The following USP47 variants were observed in gnomAD, a reference collection of about 807,000 sequenced individuals.
The protein encoded by USP47 is ubiquitin carboxyl-terminal hydrolase 47.
Under a neutral mutation model 165.1 loss-of-function variants are expected in USP47, and 35 were observed. The observed-to-expected ratio is 0.21, with a 90% CI of 0.16 to 0.28. USP47 has a LOEUF of 0.28. Among genes scored for constraint, USP47 ranks in the 10% least tolerant of loss-of-function variants. USP47 has a pLI of 1.00. For synonymous variants in USP47, 531 were observed against 544.5 expected (o/e 0.98, Z 0.35); for missense variants, 1,277 against 1,607.4 (o/e 0.79, Z 3.52).
intron 1 of USP47, among the ~76,000 whole-genome samples, chr11:11,875,397 C>T (rs1850346155): frequency 6.6e-6 from 1 of 151,928 alleles, no homozygotes. Flanking sequence ...CAGATTTGAG[C>T]TTAAAACTAT....
chr11:11,955,300 CATG>C, intron 27 of USP47, 136 bp downstream of exon 27: 1 of 1,091,274 alleles, frequency 9.2e-7, no homozygotes, highest in Non-Finnish European at 1.2e-6. Flanking sequence ...GACAGCCAAA[CATG>C]ATTATAATTT....
At chr11:11,857,705 T>C (rs1174119861) in intron 1 of USP47, among the ~76,000 whole-genome samples, 2 of 152,226 alleles carry the variant, frequency 1.3e-5, no homozygotes, top group African/African-American at 4.8e-5. Flanking sequence ...AGCCGGAGGC[T>C]ACTCCCTTTG....
chr11:11,906,568 A>G (rs1353135551), intron 8 of USP47, among the ~76,000 whole-genome samples: 1 of 152,180 alleles, frequency 6.6e-6, no homozygotes, highest in African/African-American at 2.4e-5. Context: ...CAATGGAGAT[A>G]CAAAGCAAGC....
At position 11,869,687 on chromosome 11, in the gene USP47, T is replaced by C. The variant is rs61199571; in HGVS notation, c.40-10490T>C. On this transcript the variant is annotated intron_variant, in intron 1 of 27. Transcript: ENST00000527733. ...TCAAACTTTGCTATGGTTTGAATGCTTGCCGTCTTCAAAATTCATGTGGAA... is the reference window on the plus strand; with the variant it reads ...TCAAACTTTGCTATGGTTTGAATGCCTGCCGTCTTCAAAATTCATGTGGAA... 5.1e-3 allele frequency among the ~76,000 whole-genome samples: 778 copies of C among 152,352 alleles called. 6 individuals carry two copies. Among genetic ancestry groups the C allele is most frequent in the African/African-American group, 0.018 (739 of 41,588 alleles).
At chr11:11,929,302 G>A in intron 11 of USP47, 132 bp from the exon 12 acceptor site, 2 of 1,260,776 alleles carry the variant, frequency 1.6e-6, no homozygotes, top group Non-Finnish European at 2.1e-6. Flanking sequence ...TTTACCTTAG[G>A]GGAAAGTTGA....
At chr11:11,930,791 T>A (rs578132768) in intron 14 of USP47, 40 bp downstream of exon 14, 1 of 1,526,576 alleles carries the variant, frequency 6.6e-7, no homozygotes, top group South Asian at 1.2e-5. Context: ...ATTTGTGTTA[T>A]AAACTAATTT....
intron 1 of USP47, among the ~76,000 whole-genome samples, chr11:11,847,661 C>T (rs910590577): frequency 6.6e-6 from 1 of 152,084 alleles, no homozygotes; most frequent in Non-Finnish European, 1.5e-5. Flanking sequence ...GTCTCTGTAT[C>T]CTTATCTTTC....
rs766618263 is a variant in USP47 at position 11,954,975 on chromosome 11, T to C, written c.3762+31T>C. The C allele has an allele frequency of 2.5e-6, 4 of 1,613,666 alleles. No individual in the cohort carries two copies. In the South Asian group the frequency reaches 4.4e-5, roughly 18 times the overall value. On this transcript the variant is annotated intron_variant, in intron 26 of 27. Coordinates refer to ENST00000527733, the MANE Select transcript of USP47 (RefSeq NM_001282659.2). ...GCCCTGAGAATGTTGCATCTGTGTATTGTGCATGATAAACACAGCTAGTGG... is the reference window on the plus strand; with the variant it reads ...GCCCTGAGAATGTTGCATCTGTGTACTGTGCATGATAAACACAGCTAGTGG...
chr11:11,957,319 C>T lies in USP47; in HGVS notation c.*1144C>T, dbSNP rs1484834915. ...TCATGGTACAGACTGATGCAGTCAA[C>T]ATGATTTCATTGCAGAGTTTATTAG... On this transcript the variant is annotated 3_prime_UTR_variant, in exon 28 of 28. Transcript: ENST00000527733. The T allele has an allele frequency of 6.6e-6, 1 of 152,532 alleles. No homozygotes were observed. The highest frequency in any genetic ancestry group is 1.5e-5 in the Non-Finnish European group (1 of 68,034). 9.4% of individuals were successfully genotyped at this position (152,532 alleles called of 1,614,324 possible). A position where few individuals can be genotyped will look rare whatever the true frequency, so the allele number is the denominator to read the frequency against.
intron 7 of USP47, among the ~76,000 whole-genome samples, chr11:11,903,791 C>T (rs1852376917): frequency 6.6e-6 from 1 of 151,934 alleles, no homozygotes; most frequent in African/African-American, 2.4e-5. Context: ...TTAATCTAAC[C>T]CGATTCTTAT....
At chr11:11,923,952 T>C (rs1472966184) in intron 11 of USP47, among the ~76,000 whole-genome samples, 1 of 152,244 alleles carries the variant, frequency 6.6e-6, no homozygotes, top group African/African-American at 2.4e-5. Flanking sequence ...ACACTTTCAT[T>C]TCATCTGCAA....
chr11:11,955,448 T>C (rs1856503974), intron 27 of USP47, among the ~76,000 whole-genome samples: 1 of 152,164 alleles, frequency 6.6e-6, no homozygotes, highest in Admixed American at 6.5e-5. Context: ...GTATTTTGCA[T>C]TTTTTTATTG....
intron 1 of USP47, among the ~76,000 whole-genome samples, chr11:11,867,106 A>C (rs750235456): frequency 3.9e-5 from 6 of 152,150 alleles, no homozygotes; most frequent in Non-Finnish European, 4.4e-5. Context: ...CATGTTGGTC[A>C]TGCTGGTCTT....
Position 11,956,223 on chromosome 11 carries a change from A to T in USP47, c.*48A>T. On this transcript the variant is annotated 3_prime_UTR_variant, in exon 28 of 28. Transcript: ENST00000527733. ...CTGGGGGAGTTTTGGTTTTAATTAGATGGTTCACTACCACTGGGTAGTGCC... is the reference window on the plus strand; with the variant it reads ...CTGGGGGAGTTTTGGTTTTAATTAGTTGGTTCACTACCACTGGGTAGTGCC... 6.2e-7 allele frequency: 1 copy of T among 1,603,316 alleles called. No homozygotes were observed. The highest frequency in any genetic ancestry group is 8.5e-7 in the Non-Finnish European group (1 of 1,172,624).
At chr11:11,884,675 G>A in intron 3 of USP47, 95 bp downstream of exon 3, 2 of 772,206 alleles carry the variant, frequency 2.6e-6, no homozygotes, top group Non-Finnish European at 4.2e-6. Flanking sequence ...GATGTGTTTT[G>A]TAATTTGTGT....
chr11:11,867,732 T>C (rs1481679314), intron 1 of USP47, among the ~76,000 whole-genome samples: 1 of 152,242 alleles, frequency 6.6e-6, no homozygotes, highest in Non-Finnish European at 1.5e-5. Context: ...CTGTTCATTT[T>C]TCTTATACTT....
At chr11:11,881,799 A>G (rs1300144064) in intron 2 of USP47, among the ~76,000 whole-genome samples, 1 of 152,118 alleles carries the variant, frequency 6.6e-6, no homozygotes, top group Non-Finnish European at 1.5e-5. Context: ...TTTTATAAGG[A>G]CACTGATTCC....
chr11:11,955,945 T>G (rs1267326630), intron 27 of USP47, 56 bp from the exon 28 acceptor site: 18 of 1,358,978 alleles, frequency 1.3e-5, no homozygotes, highest in Middle Eastern at 2.1e-4. Flanking sequence ...CAAGCATACA[T>G]TAATAGAGGT....
intron 18 of USP47, among the ~76,000 whole-genome samples, chr11:11,939,234 A>G (rs1855300481): frequency 6.6e-6 from 1 of 152,042 alleles, no homozygotes; most frequent in South Asian, 2.1e-4. Flanking sequence ...CAGATTTTGC[A>G]GGGTTCTTGA....
Sources: gnomAD v4.1 joint callset for allele counts (sites outside exome capture counted in the v4.1 genomes callset) on GRCh38, gnomAD v4.1.1 for gene constraint, MANE v1.5 for transcripts, NCBI Gene and HGNC (gene_info 2026-07-23, HGNC 2026-07-21) for gene names.